TMEM108: variants seen among roughly 807,000 people sequenced by gnomAD.
The protein encoded by TMEM108 is cancer/testis antigen 124.
Under a neutral mutation model 35.1 loss-of-function variants are expected in TMEM108, and 12 were observed. The ratio of observed to expected loss-of-function variants is 0.34; its 90% confidence interval spans 0.22 to 0.55. The LOEUF (loss-of-function observed/expected upper bound fraction) is 0.55, where lower values mean the gene tolerates loss of function less well. Ranked by LOEUF, TMEM108 falls within the 20% of genes least tolerant of loss-of-function variation. TMEM108 has a pLI of 0.89. For missense variants in TMEM108, 680 were observed against 753.3 expected (o/e 0.90, Z 1.14); for synonymous variants, 287 against 308.6 (o/e 0.93, Z 0.73).
At chr3:133,228,989 A>G (rs1023023831) in intron 2 of TMEM108, among the ~76,000 whole-genome samples, 2 of 152,208 alleles carry the variant, frequency 1.3e-5, no homozygotes, top group Non-Finnish European at 2.9e-5. Flanking sequence ...TGAGAGATTC[A>G]TAAAAAGTCT....
At chr3:133,222,422 T>G (rs1181314981) in intron 2 of TMEM108, among the ~76,000 whole-genome samples, 1 of 152,168 alleles carries the variant, frequency 6.6e-6, no homozygotes, top group Non-Finnish European at 1.5e-5. Context: ...ACCTGGATAT[T>G]TATGTCTTTT....
intron 2 of TMEM108, among the ~76,000 whole-genome samples, chr3:133,173,036 C>A (rs1215421096): frequency 1.3e-5 from 2 of 152,174 alleles, no homozygotes; most frequent in Admixed American, 1.3e-4. Context: ...AAATCTCTTT[C>A]TTTTGTAATT....
chr3:133,168,624 A>G (rs1377126935), intron 2 of TMEM108, among the ~76,000 whole-genome samples: 3 of 152,158 alleles, frequency 2.0e-5, no homozygotes, highest in African/African-American at 7.2e-5. Flanking sequence ...CAGACCAATC[A>G]GCTCTCTGTA....
intron 3 of TMEM108, among the ~76,000 whole-genome samples, chr3:133,275,724 A>T (rs566118209): frequency 6.6e-6 from 1 of 152,344 alleles, no homozygotes; most frequent in African/African-American, 2.4e-5. Flanking sequence ...ATATTTCTGT[A>T]GCAAAAAGTA....
At chr3:133,330,106 C>G (rs2071377591) in intron 3 of TMEM108, among the ~76,000 whole-genome samples, 1 of 152,186 alleles carries the variant, frequency 6.6e-6, no homozygotes, top group Non-Finnish European at 1.5e-5. Context: ...AGCTATTTAC[C>G]TACCCTGAAA....
At chr3:133,224,795 T>C (rs530324897) in intron 2 of TMEM108, among the ~76,000 whole-genome samples, 4 of 152,236 alleles carry the variant, frequency 2.6e-5, no homozygotes, top group African/African-American at 9.6e-5. Context: ...AATACATATA[T>C]AGTGTATATG....
In TMEM108 at chr3:133,335,947, C is replaced by T. The variant is rs558197694; in HGVS notation, c.41-43805C>T. Among the ~76,000 whole-genome samples the T allele has an allele frequency of 2.0e-5, 3 of 152,264 alleles. No individual in the cohort carries two copies. In the South Asian group the frequency reaches 6.2e-4, roughly 32 times the overall value. ...ACAGTGTGTTGAACTCAGTGCTGCC[C>T]TGTCACAACAGAAAGCAAAACTGGG... On this transcript the variant is annotated intron_variant, in intron 3 of 5. Transcript: ENST00000321871.
chr3:133,095,137 C>G (rs1943996877), intron 2 of TMEM108, among the ~76,000 whole-genome samples: 1 of 152,148 alleles, frequency 6.6e-6, no homozygotes. Flanking sequence ...GGCTGATATA[C>G]TGATACGTTG....
At chr3:133,125,905 A>C (rs1366636493) in intron 2 of TMEM108, among the ~76,000 whole-genome samples, 1 of 152,160 alleles carries the variant, frequency 6.6e-6, no homozygotes, top group African/African-American at 2.4e-5. Context: ...AATTATAGTC[A>C]CTGTTTTATT....
chr3:133,266,795 G>A (rs562442084), intron 3 of TMEM108, among the ~76,000 whole-genome samples: 31 of 152,066 alleles, frequency 2.0e-4, no homozygotes, highest in African/African-American at 5.1e-4. Flanking sequence ...CAAGGTGGCC[G>A]GGCGTGGTGG....
At position 133,139,290 on chromosome 3, in the gene TMEM108, G is replaced by C. The variant is rs531598173; in HGVS notation, c.-46-89976G>C. 9.2e-5 allele frequency among the ~76,000 whole-genome samples: 14 copies of C among 152,264 alleles called. 1 individual carries two copies. Among genetic ancestry groups the C allele is most frequent in the Admixed American group, 5.2e-4 (8 of 15,302 alleles). ...TGGATATATACCCAGTAATGGGATT[G>C]CTGGGTCAATCTATCTATCTGACAA... On this transcript the variant is annotated intron_variant, in intron 2 of 5. Transcript: ENST00000321871.
At chr3:133,255,208 G>A (rs1277009574) in intron 3 of TMEM108, among the ~76,000 whole-genome samples, 1 of 152,186 alleles carries the variant, frequency 6.6e-6, no homozygotes, top group Non-Finnish European at 1.5e-5. Context: ...GCAAGGTTCT[G>A]AGAAGGCATT....
chr3:133,289,428 A>G (rs1383403907), intron 3 of TMEM108, among the ~76,000 whole-genome samples: 1 of 152,214 alleles, frequency 6.6e-6, no homozygotes, highest in African/African-American at 2.4e-5. Flanking sequence ...GGATGGAAGC[A>G]CAGCAGTACT....
At chr3:133,390,851 G>A (rs2073225352) in intron 5 of TMEM108, among the ~76,000 whole-genome samples, 1 of 152,208 alleles carries the variant, frequency 6.6e-6, no homozygotes, top group Non-Finnish European at 1.5e-5. Context: ...CATTCCAGCA[G>A]AGGAGGTAGC....
At chr3:133,204,950 G>A (rs1945729457) in intron 2 of TMEM108, among the ~76,000 whole-genome samples, 1 of 152,134 alleles carries the variant, frequency 6.6e-6, no homozygotes, top group Non-Finnish European at 1.5e-5. Flanking sequence ...CTCTTTGTAG[G>A]TCTCTAAGAA....
intron 2 of TMEM108, among the ~76,000 whole-genome samples, chr3:133,082,025 T>C (rs1359771693): frequency 1.3e-5 from 2 of 152,194 alleles, no homozygotes; most frequent in Non-Finnish European, 2.9e-5. Flanking sequence ...CACCCACAGC[T>C]AGGAGCTGTC....
intron 3 of TMEM108, among the ~76,000 whole-genome samples, chr3:133,310,575 G>T (rs1184074461): frequency 4.8e-5 from 4 of 83,334 alleles, no homozygotes; most frequent in African/African-American, 9.2e-5. Context: ...CCATTCTCTT[G>T]GTAGATCTTC....
chr3:133,385,333 C>T (rs528555191), intron 4 of TMEM108, among the ~76,000 whole-genome samples: 22 of 152,308 alleles, frequency 1.4e-4, no homozygotes, highest in East Asian at 5.8e-4. Context: ...TAGACCCATA[C>T]CCTGACAGCT....
At chr3:133,142,712 T>C (rs907173734) in intron 2 of TMEM108, among the ~76,000 whole-genome samples, 6 of 152,242 alleles carry the variant, frequency 3.9e-5, no homozygotes, top group Non-Finnish European at 8.8e-5. Flanking sequence ...GCTAATACTT[T>C]AACTCACAAT....
Sources: gnomAD v4.1 joint callset for allele counts (sites outside exome capture counted in the v4.1 genomes callset) on GRCh38, gnomAD v4.1.1 for gene constraint, MANE v1.5 for transcripts, NCBI Gene and HGNC (gene_info 2026-07-23, HGNC 2026-07-21) for gene names.